NUBPL: variants seen among roughly 807,000 people sequenced by gnomAD.
NUBPL encodes NUBP iron-sulfur cluster assembly factor, mitochondrial, also known as iron-sulfur cluster transfer protein NUBPL.
NUBPL carries 31 observed loss-of-function variants against 45.7 expected under a neutral mutation model. That is an observed-to-expected ratio of 0.68 (90% CI 0.51 to 0.92). The LOEUF (loss-of-function observed/expected upper bound fraction) is 0.92, where lower values mean the gene tolerates loss of function less well. Ranked by LOEUF, NUBPL falls within the 40% of genes least tolerant of loss-of-function variation. The pLI, the probability that NUBPL is intolerant of heterozygous loss-of-function variation, is 0.00. For missense variants in NUBPL, 401 were observed against 398.7 expected (o/e 1.01, Z -0.05); for synonymous variants, 144 against 140.9 (o/e 1.02, Z -0.15).
rs145879649 is a variant in NUBPL, at chr14:31,786,416, C to T, written c.514-1364C>T. On this transcript the variant is annotated intron_variant, in intron 6 of 10. Coordinates refer to ENST00000281081, the MANE Select transcript of NUBPL (RefSeq NM_025152.3). ...ATGATAACCTTCTCTTCACTCACTG[C>T]TCTCTAGCCATATTGATCTTTCAAT... 5.3e-5 allele frequency among the ~76,000 whole-genome samples: 8 copies of T among 152,332 alleles called. No individual in the cohort carries two copies. The East Asian group carries it at 1.2e-3, about 22-fold the overall frequency.
At position 31,778,058 on chromosome 14, in the gene NUBPL, A is replaced by G. The variant is rs114351467; in HGVS notation, c.514-9722A>G. Among the ~76,000 whole-genome samples the G allele has an allele frequency of 6.6e-3, 998 of 152,304 alleles. 12 individuals carry two copies. Among genetic ancestry groups the G allele is most frequent in the African/African-American group, 0.022 (931 of 41,556 alleles). ...AAATCACATCCATGAGTGGCCTCCA[A>G]CTATAATCCATGGGGTCATTGTCAG... On this transcript the variant is annotated intron_variant, in intron 6 of 10. Transcript: ENST00000281081.
At chr14:31,777,331 C>T (rs1196753309) in intron 6 of NUBPL, among the ~76,000 whole-genome samples, 1 of 152,144 alleles carries the variant, frequency 6.6e-6, no homozygotes, top group Non-Finnish European at 1.5e-5. Context: ...TTGTAGAGAT[C>T]CTTGAGGCAG....
chr14:31,585,164 C>T (rs961752578), intron 3 of NUBPL, among the ~76,000 whole-genome samples: 19 of 152,166 alleles, frequency 1.2e-4, no homozygotes, highest in African/African-American at 4.3e-4. Context: ...TTTGGCTTTC[C>T]TGGGCCACAT....
At chr14:31,759,689 G>C (rs1174352882) in intron 6 of NUBPL, among the ~76,000 whole-genome samples, 1 of 150,608 alleles carries the variant, frequency 6.6e-6, no homozygotes, top group African/African-American at 2.4e-5. Flanking sequence ...ACTGTACTTT[G>C]AATTTTGATT....
intron 6 of NUBPL, among the ~76,000 whole-genome samples, chr14:31,736,567 A>G (rs1158084318): frequency 3.9e-5 from 6 of 152,172 alleles, no homozygotes; most frequent in Non-Finnish European, 8.8e-5. Flanking sequence ...GTTATATAGT[A>G]TTACACTGTA....
At chr14:31,726,929 T>C (rs1389879806) in intron 6 of NUBPL, among the ~76,000 whole-genome samples, 4 of 152,126 alleles carry the variant, frequency 2.6e-5, no homozygotes, top group Non-Finnish European at 5.9e-5. Flanking sequence ...CATCTCTGGC[T>C]GCTAAATACT....
chr14:31,634,455 AC>A (rs2035431959), intron 4 of NUBPL, among the ~76,000 whole-genome samples: 1 of 151,942 alleles, frequency 6.6e-6, no homozygotes, highest in African/African-American at 2.4e-5. Flanking sequence ...TCCATGGTGT[AC>A]ATGTGCCACA....
At chr14:31,813,093 A>G (rs1050445226) in intron 7 of NUBPL, among the ~76,000 whole-genome samples, 1 of 148,496 alleles carries the variant, frequency 6.7e-6, no homozygotes, top group Non-Finnish European at 1.5e-5. Flanking sequence ...GGTTCACGCC[A>G]TTCTCGTTTC....
At chr14:31,699,032 T>G (rs2037276575) in intron 6 of NUBPL, among the ~76,000 whole-genome samples, 1 of 152,142 alleles carries the variant, frequency 6.6e-6, no homozygotes, top group South Asian at 2.1e-4. Flanking sequence ...TTTCTGTATT[T>G]TTAGTAGAGA....
At chr14:31,623,431 G>A (rs1382822968) in intron 4 of NUBPL, among the ~76,000 whole-genome samples, 1 of 152,156 alleles carries the variant, frequency 6.6e-6, no homozygotes, top group Non-Finnish European at 1.5e-5. Context: ...CATAAGATTT[G>A]GGTGGGGCTG....
At chr14:31,834,849 A>C (rs975833935) in intron 8 of NUBPL, among the ~76,000 whole-genome samples, 13 of 152,212 alleles carry the variant, frequency 8.5e-5, no homozygotes, top group African/African-American at 2.9e-4. Context: ...GCTCTGATCC[A>C]AGAAGTCAGC....
chr14:31,819,867 G>A (rs370135805), intron 7 of NUBPL, among the ~76,000 whole-genome samples: 1 of 151,994 alleles, frequency 6.6e-6, no homozygotes, highest in East Asian at 1.9e-4. Context: ...TTGGCCAGGC[G>A]TGGTGGCTCA....
chr14:31,746,804 T>G (rs2038408600), intron 6 of NUBPL, among the ~76,000 whole-genome samples: 1 of 151,888 alleles, frequency 6.6e-6, no homozygotes, highest in Admixed American at 6.5e-5. Context: ...GCATGGTGGC[T>G]AACACCTGTA....
intron 6 of NUBPL, among the ~76,000 whole-genome samples, chr14:31,684,749 A>G (rs2036914636): frequency 6.6e-6 from 1 of 152,212 alleles, no homozygotes; most frequent in Non-Finnish European, 1.5e-5. Flanking sequence ...TGCTACACAA[A>G]ATAATGATGC....
chr14:31,584,316 G>A (rs1257841204), intron 3 of NUBPL, among the ~76,000 whole-genome samples: 2 of 152,052 alleles, frequency 1.3e-5, no homozygotes, highest in Non-Finnish European at 2.9e-5. Flanking sequence ...GTAGAGATGG[G>A]TTCTTATTAT....
intron 4 of NUBPL, among the ~76,000 whole-genome samples, chr14:31,641,854 C>T (rs1020339944): frequency 6.6e-6 from 1 of 152,100 alleles, no homozygotes; most frequent in African/African-American, 2.4e-5. Context: ...TACCTCATGT[C>T]CTTTTGACAA....
chr14:31,792,763 G>A (rs1196992145), intron 7 of NUBPL, among the ~76,000 whole-genome samples: 1 of 152,150 alleles, frequency 6.6e-6, no homozygotes, highest in Admixed American at 6.5e-5. Flanking sequence ...GGAATTTGGG[G>A]AGCATGTGAT....
intron 8 of NUBPL, among the ~76,000 whole-genome samples, chr14:31,832,140 A>G (rs144521232): frequency 1.3e-5 from 2 of 152,322 alleles, no homozygotes; most frequent in African/African-American, 2.4e-5. Context: ...TAACAGTACT[A>G]TTACAGTAGA....
intron 6 of NUBPL, among the ~76,000 whole-genome samples, chr14:31,682,576 T>G (rs1419004912): frequency 6.6e-6 from 1 of 152,206 alleles, no homozygotes; most frequent in Non-Finnish European, 1.5e-5. Context: ...ATGTTTCATC[T>G]GTTTTTTTCT....
Sources: allele counts gnomAD v4.1 joint callset (sites outside exome capture counted in the v4.1 genomes callset), GRCh38; gene constraint gnomAD v4.1.1; transcripts MANE v1.5; gene names NCBI Gene and HGNC (gene_info 2026-07-23, HGNC 2026-07-21).